The following UGT1A8 variants were observed in gnomAD, a reference collection of about 807,000 sequenced individuals.
The protein encoded by UGT1A8 is UDP glucuronosyltransferase family 1 member A8, also known as UDP-glucuronosyltransferase 1A8.
In UGT1A8, 39 loss-of-function variants were observed where a neutral mutation model predicts 45.3. The ratio of observed to expected loss-of-function variants is 0.86; its 90% CI spans 0.67 to 1.12. UGT1A8 has a LOEUF of 1.12. UGT1A8 is among the 50% of genes most tolerant of loss of function. The pLI is 0.00. For missense variants in UGT1A8, 719 were observed against 664.9 expected (o/e 1.08, Z -0.90); for synonymous variants, 275 against 249.2 (o/e 1.10, Z -0.97).
intron 1 of UGT1A8, among the ~76,000 whole-genome samples, chr2:233,745,961 G>C (rs1163113013): frequency 6.6e-6 from 1 of 151,702 alleles, no homozygotes; most frequent in Non-Finnish European, 1.5e-5. Context: ...TGGGGGACAG[G>C]GGCCCTGAAA....
chr2:233,757,188 C>G (rs1300047445), intron 1 of UGT1A8, among the ~76,000 whole-genome samples: 1 of 150,488 alleles, frequency 6.6e-6, no homozygotes, highest in African/African-American at 2.5e-5. Flanking sequence ...GCAGAGGACT[C>G]TGAATTTTCT....
At chr2:233,729,219 G>A in intron 1 of UGT1A8, 1 of 1,614,156 alleles carries the variant, frequency 6.2e-7, no homozygotes, top group Non-Finnish European at 8.5e-7. Context: ...GTGGAAAGGT[G>A]TTGGTGGTGC....
At chr2:233,693,863 C>T (rs1263853264) in intron 1 of UGT1A8, 1 of 1,614,066 alleles carries the variant, frequency 6.2e-7, no homozygotes, top group East Asian at 2.2e-5. Flanking sequence ...AGACTTGTCT[C>T]AGGTTGGTGG....
At chr2:233,735,919 C>A (rs2078709385) in intron 1 of UGT1A8, among the ~76,000 whole-genome samples, 1 of 152,156 alleles carries the variant, frequency 6.6e-6, no homozygotes, top group South Asian at 2.1e-4. Context: ...GTAACCCGAC[C>A]TTTCTCTGTG....
intron 1 of UGT1A8, among the ~76,000 whole-genome samples, chr2:233,697,925 G>A (rs1053840529): frequency 6.6e-6 from 1 of 152,092 alleles, no homozygotes; most frequent in Non-Finnish European, 1.5e-5. Flanking sequence ...TAGAAGTCTA[G>A]GGTATTGGAA....
intron 1 of UGT1A8, among the ~76,000 whole-genome samples, chr2:233,764,468 T>G (rs553812675): frequency 1.3e-5 from 2 of 152,324 alleles, no homozygotes; most frequent in Middle Eastern, 6.8e-3. Context: ...GATCTCCTGC[T>G]ATTTAACTTC....
In UGT1A8 at chr2:233,772,467, T is replaced by G; in HGVS notation, c.1501T>G (p.Phe501Val). The G allele has an allele frequency of 6.8e-6, 11 of 1,614,156 alleles. No individual in the cohort carries two copies. The highest frequency in any genetic ancestry group is 9.3e-6 in the Non-Finnish European group (11 of 1,180,034). Residue 501 changes from phenylalanine (F) to valine (V), a missense_variant, in exon 5 of 5, where the codon TTC becomes GTC. Coordinates refer to ENST00000373450, the MANE Select transcript of UGT1A8 (RefSeq NM_019076.5). Reference sequence around the variant, plus strand: ...CTTGGCCGTCGTGCTGACAGTGGCCTTCATCACCTTTAAATGTTGTGCTTA... The same window carrying G: ...CTTGGCCGTCGTGCTGACAGTGGCCGTCATCACCTTTAAATGTTGTGCTTA... ...FLLAVVLTVA[F>V]ITFKCCAYGY...
In UGT1A8 at chr2:233,737,002, C is replaced by T. The variant is rs534387073; in HGVS notation, c.856-30032C>T. On this transcript the variant is annotated intron_variant, in intron 1 of 4. Transcript: ENST00000373450. ...TCAAGATACACAGAGGTCAGGGACC[C>T]GCTTGAGGAGGCAGTCTGTCCATTC... Among the ~76,000 whole-genome samples, 262 of 152,308 alleles carry T rather than the reference C, an allele frequency of 1.7e-3. 1 individual carries two copies. Among genetic ancestry groups the T allele is most frequent in the South Asian group, 4.4e-3 (21 of 4,826 alleles).
chr2:233,769,637 G>A lies in UGT1A8; in HGVS notation c.1295+1198G>A. The A allele has an allele frequency of 6.2e-7, 1 of 1,610,100 alleles. No individual in the cohort carries two copies. Among genetic ancestry groups the A allele is most frequent in the Non-Finnish European group, 8.5e-7 (1 of 1,178,598 alleles). On this transcript the variant is annotated intron_variant, in intron 4 of 4. Transcript: ENST00000373450. This position sits in a 1 kb window ranked among gnomAD's most constrained non-coding sequence, Gnocchi z 4.4. ...GCTTGAGCAAGGGACAACAGGGGAG[G>A]ACTGATGACTGACTTCCCACCTTTG... is the stretch of plus-strand genomic sequence containing the variant.
At chr2:233,690,625 T>G in intron 1 of UGT1A8, 1 of 1,288,214 alleles carries the variant, frequency 7.8e-7, no homozygotes, top group Non-Finnish European at 1.0e-6. Flanking sequence ...GACACTCAAG[T>G]GATACCTGAG....
intron 1 of UGT1A8, among the ~76,000 whole-genome samples, chr2:233,661,366 A>G (rs2073960038): frequency 6.6e-6 from 1 of 152,086 alleles, no homozygotes; most frequent in Admixed American, 6.6e-5. Flanking sequence ...TTAAACACTT[A>G]GGATATATGA....
intron 1 of UGT1A8, among the ~76,000 whole-genome samples, chr2:233,687,583 TAAAAAAAAAAAAA>T (rs71398794): frequency 1.9e-5 from 2 of 107,472 alleles, no homozygotes; most frequent in African/African-American, 6.7e-5. Context: ...ACATTCTTTG[TAAAAAAAAAAAAA>T]AAAAAAAAAA....
At chr2:233,684,375 A>G (rs1165542041) in intron 1 of UGT1A8, among the ~76,000 whole-genome samples, 5 of 152,172 alleles carry the variant, frequency 3.3e-5, no homozygotes, top group Non-Finnish European at 7.3e-5. Flanking sequence ...TTTACCCTCC[A>G]TCAATTACAG....
chr2:233,743,680 G>A (rs555741522), intron 1 of UGT1A8: 52 of 1,367,218 alleles, frequency 3.8e-5, no homozygotes, highest in East Asian at 3.2e-4. Flanking sequence ...AGGGCCTGCC[G>A]CCTGTGCAGC....
chr2:233,626,301 A>G lies in UGT1A8; in HGVS notation c.855+7739A>G, dbSNP rs560565115. 1.8e-4 allele frequency among the ~76,000 whole-genome samples: 27 copies of G among 152,034 alleles called. 1 individual carries two copies. In the Middle Eastern group the frequency reaches 0.027, roughly 154 times the overall value. ...CCTTTCCATGAGGCTTGTATTGTGT[A>G]AGGCCATTTTTTTTTTCTGGCACTG... On this transcript the variant is annotated intron_variant, in intron 1 of 4. Coordinates refer to ENST00000373450, the MANE Select transcript of UGT1A8 (RefSeq NM_019076.5).
intron 1 of UGT1A8, chr2:233,743,681 C>A: frequency 7.3e-7 from 1 of 1,367,264 alleles, no homozygotes; most frequent in Non-Finnish European, 9.8e-7. Flanking sequence ...GGGCCTGCCG[C>A]CTGTGCAGCC....
chr2:233,761,076 T>A, intron 1 of UGT1A8: 4 of 1,614,164 alleles, frequency 2.5e-6, no homozygotes, highest in Non-Finnish European at 3.4e-6. Flanking sequence ...TTGTGAAGGA[T>A]TACCCTAGGC....
At chr2:233,712,679 A>G (rs1030687353) in intron 1 of UGT1A8, among the ~76,000 whole-genome samples, 1 of 152,224 alleles carries the variant, frequency 6.6e-6, no homozygotes, top group African/African-American at 2.4e-5. Context: ...AGACAGTGAC[A>G]TGAAATGGGG....
intron 1 of UGT1A8, chr2:233,741,566 A>C (rs1338597407): frequency 6.6e-6 from 1 of 151,914 alleles, no homozygotes; most frequent in Non-Finnish European, 1.5e-5. Flanking sequence ...TTGTATGAGA[A>C]TCAACTACCC....
Sources: gnomAD v4.1 joint callset for allele counts (sites outside exome capture counted in the v4.1 genomes callset) on GRCh38, gnomAD v4.1.1 for gene constraint, Gnocchi (gnomAD v3.1) non-coding constraint, MANE v1.5 for transcripts, NCBI Gene and HGNC (gene_info 2026-07-23, HGNC 2026-07-21) for gene names.